The following SPATA13 variants were observed in gnomAD, a reference collection of about 807,000 sequenced individuals.
The protein encoded by SPATA13 is spermatogenesis associated 13, also known as spermatogenesis-associated protein 13.
Under a neutral mutation model 104.0 loss-of-function variants are expected in SPATA13, and 50 were observed. The ratio of observed to expected loss-of-function variants is 0.48; its 90% CI spans 0.38 to 0.61. The LOEUF (loss-of-function observed/expected upper bound fraction) is 0.61. Ranked by LOEUF, SPATA13 falls within the 20% of genes least tolerant of loss-of-function variation. The pLI, the probability that SPATA13 is intolerant of heterozygous loss-of-function variation, is 0.00. For synonymous variants in SPATA13, 606 were observed against 667.5 expected, an observed-to-expected ratio of 0.91 and a Z score of 1.42; for missense variants, 1,524 against 1,690.6, an observed-to-expected ratio of 0.90 and a Z score of 1.73.
In SPATA13 at chr13:24,020,090, C is replaced by T. The variant is rs184970352; in HGVS notation, c.-112+2389C>T. Among the ~76,000 whole-genome samples the T allele has an allele frequency of 1.9e-3, 282 of 152,294 alleles. 1 individual carries two copies. The highest frequency in any genetic ancestry group is 6.4e-3 in the African/African-American group (266 of 41,538). ...TCCACCTCAGAGCACCAAGCCTCAC[C>T]GACAGCCAGACTTAACCAGCTGCAT... On this transcript the variant is annotated intron_variant, in intron 3 of 14. Coordinates refer to the SPATA13 transcript ENST00000424834.
At chr13:24,120,368 G>A (rs988101780) in intron 3 of SPATA13, among the ~76,000 whole-genome samples, 38 of 152,350 alleles carry the variant, frequency 2.5e-4, no homozygotes, top group African/African-American at 8.9e-4. Flanking sequence ...CTTTGGCTGT[G>A]TTGCTTTTCT....
intron 9 of SPATA13, among the ~76,000 whole-genome samples, chr13:24,293,022 A>AAATGG (rs35053977): frequency 4.5e-5 from 6 of 134,818 alleles, no homozygotes; most frequent in Non-Finnish European, 8.3e-5. Flanking sequence ...AAAAAAAAAA[A>AAATGG]GGCGAGGGTG....
chr13:24,189,254 G>A (rs1024631432), intron 1 of SPATA13, among the ~76,000 whole-genome samples: 10 of 151,780 alleles, frequency 6.6e-5, no homozygotes, highest in African/African-American at 1.9e-4. Context: ...GGTGGATCAC[G>A]ACGTCAGGAG....
In SPATA13 at chr13:24,251,836, G is replaced by A. The variant is rs773438885; in HGVS notation, c.2138G>A (p.Arg713His). 13 of 1,613,644 alleles carry A rather than the reference G, an allele frequency of 8.1e-6. 1 individual carries two copies. The highest frequency in any genetic ancestry group is 4.4e-5 in the South Asian group (4 of 91,048). Residue 713 changes from arginine (R) to histidine (H), a missense_variant, in exon 4 of 13, where the codon CGC (arginine) becomes CAC (histidine). By Grantham distance (29) the Arg-to-His change is conservative. This residue lies in a region of SPATA13 where 1,089 missense variants were observed against 1,135.9 expected (regional missense o/e 0.96). Coordinates refer to ENST00000382108, the MANE Select transcript of SPATA13 (RefSeq NM_001166271.3). The stretch of plus-strand genomic sequence containing the variant: ...CCCATTGGGTTGGACCGTGTGGGAC[G>A]CCGGCGGCAGATGAGAGCATCCAAC... ...STPIGLDRVGRRRQMRASNVS... is the reference protein window; with the variant it reads ...STPIGLDRVGHRRQMRASNVS...
At chr13:24,282,797 G>A (rs1425657154) in intron 4 of SPATA13, among the ~76,000 whole-genome samples, 2 of 152,204 alleles carry the variant, frequency 1.3e-5, no homozygotes, top group African/African-American at 4.8e-5. Context: ...GCATTCTGTG[G>A]CCTGATTCTT....
chr13:24,091,200 A>G (rs1879899661), intron 3 of SPATA13, among the ~76,000 whole-genome samples: 1 of 152,234 alleles, frequency 6.6e-6, no homozygotes, highest in Non-Finnish European at 1.5e-5. Flanking sequence ...ATGGGCCTTA[A>G]GGTCAGCAAG....
At chr13:24,158,846 G>T (rs565365750), upstream of SPATA13, among the ~76,000 whole-genome samples, 12 of 152,282 alleles carry the variant, frequency 7.9e-5, no homozygotes, top group African/African-American at 2.9e-4. Flanking sequence ...CTCGCCCAGG[G>T]CTTGTACAGG....
intron 3 of SPATA13, among the ~76,000 whole-genome samples, chr13:24,042,123 G>T (rs898436311): frequency 1.0e-5 from 1 of 96,246 alleles, no homozygotes; most frequent in African/African-American, 5.0e-5. Context: ...CTGAGAAAGC[G>T]CGGTGTCCTC....
intron 1 of SPATA13, among the ~76,000 whole-genome samples, chr13:24,216,099 G>A (rs1479541324): frequency 6.6e-6 from 1 of 152,206 alleles, no homozygotes; most frequent in Non-Finnish European, 1.5e-5. Flanking sequence ...GTTGCTGTGA[G>A]ATTGGAGGAA....
chr13:24,304,069 A>G lies in SPATA13; in HGVS notation c.*1296A>G, dbSNP rs550617027. ...ATCGTCCTTAGCAATGAAGTCACAA[A>G]GACAGCCAAAGCAGTCCTGCTTCTT... is the stretch of plus-strand genomic sequence containing the variant. On this transcript the variant is annotated 3_prime_UTR_variant, in exon 13 of 13. Transcript: ENST00000382108. The G allele has an allele frequency of 1.6e-4, 24 of 152,378 alleles. No homozygotes were observed. Among genetic ancestry groups the G allele is most frequent in the Admixed American group, 1.6e-3 (24 of 15,312 alleles). 9.4% of individuals were successfully genotyped at this position (152,378 alleles called of 1,614,324 possible).
chr13:24,299,429 C>T (rs752536416), intron 11 of SPATA13, among the ~76,000 whole-genome samples: 9 of 152,178 alleles, frequency 5.9e-5, no homozygotes, highest in Admixed American at 3.9e-4. Flanking sequence ...TGGCAGCCCT[C>T]GTACTTGATG....
intron 1 of SPATA13, among the ~76,000 whole-genome samples, chr13:24,184,033 A>G (rs1176170726): frequency 6.6e-6 from 1 of 152,182 alleles, no homozygotes; most frequent in Non-Finnish European, 1.5e-5. Context: ...GGTCACCCAG[A>G]AAAGCCAGCT....
At position 24,202,070 on chromosome 13, in the gene SPATA13, C is replaced by CTAAA. The variant is rs67125164; in HGVS notation, c.-111-20708_-111-20705dup. Among the ~76,000 whole-genome samples the CTAAA allele has an allele frequency of 7.4e-3, 1,112 of 151,242 alleles. 17 individuals carry two copies. Among genetic ancestry groups the CTAAA allele is most frequent in the African/African-American group, 0.025 (1,030 of 41,084 alleles). ...CCTGGGGGACAGAGCAAGACTCTGT[C>CTAAA]TAAATAAATAAATAAATAAATAAAT... On this transcript the variant is annotated intron_variant, in intron 1 of 12. Transcript: ENST00000382108.
intron 4 of SPATA13, among the ~76,000 whole-genome samples, chr13:24,260,027 T>C (rs549718410): frequency 6.6e-6 from 1 of 152,302 alleles, no homozygotes; most frequent in Non-Finnish European, 1.5e-5. Context: ...CTATTATAAA[T>C]GAGGCACAGT....
intron 11 of SPATA13, 45 bp downstream of exon 11, chr13:24,297,780 G>T: frequency 6.4e-7 from 1 of 1,565,406 alleles, no homozygotes; most frequent in African/African-American, 1.4e-5. Context: ...TCTGCTTGCT[G>T]TAATAGCTTC....
chr13:24,076,987 T>C (rs1286004404), intron 3 of SPATA13, among the ~76,000 whole-genome samples: 1 of 152,072 alleles, frequency 6.6e-6, no homozygotes, highest in African/African-American at 2.4e-5. Flanking sequence ...AGTCCTTCCC[T>C]TTGATTCATA....
At chr13:24,117,868 G>A (rs1880902778) in intron 3 of SPATA13, among the ~76,000 whole-genome samples, 1 of 152,120 alleles carries the variant, frequency 6.6e-6, no homozygotes, top group African/African-American at 2.4e-5. Context: ...TACCAGTAAT[G>A]TATATCTTAT....
At chr13:24,195,314 C>T (rs1210788963) in intron 1 of SPATA13, among the ~76,000 whole-genome samples, 2 of 152,110 alleles carry the variant, frequency 1.3e-5, no homozygotes, top group Non-Finnish European at 2.9e-5. Context: ...GAATAATATT[C>T]AATTATGTGG....
At chr13:24,076,683 G>A (rs1209343798) in intron 3 of SPATA13, among the ~76,000 whole-genome samples, 2 of 151,782 alleles carry the variant, frequency 1.3e-5, no homozygotes, top group African/African-American at 4.8e-5. Flanking sequence ...GACACAGGGA[G>A]GTGCAAGGAC....
Sources: gnomAD v4.1 joint callset for allele counts (sites outside exome capture counted in the v4.1 genomes callset) on GRCh38, gnomAD v4.1.1 for gene constraint, gnomAD v4.1.1 regional missense constraint, MANE v1.5 for transcripts, NCBI Gene and HGNC (gene_info 2026-07-23, HGNC 2026-07-21) for gene names.